FOCAD: variants seen among roughly 807,000 people sequenced by gnomAD.
FOCAD encodes the protein focadhesin.
In FOCAD, 198 loss-of-function variants were observed where a neutral mutation model predicts 225.6. The observed-to-expected ratio is 0.88, with a 90% CI of 0.78 to 0.99. The LOEUF (loss-of-function observed/expected upper bound fraction) is 0.99, where lower values mean the gene tolerates loss of function less well. FOCAD is among the 50% of genes least tolerant of loss of function. The pLI, the probability that FOCAD is intolerant of heterozygous loss-of-function variation, is 0.00. For missense variants in FOCAD, 2,713 were observed against 2,123.6 expected, an observed-to-expected ratio of 1.28 and a Z score of -5.46; for synonymous variants, 897 against 755.0, an observed-to-expected ratio of 1.19 and a Z score of -3.08.
At chr9:20,749,272 C>G (rs1828335749) in intron 5 of FOCAD, among the ~76,000 whole-genome samples, 1 of 152,018 alleles carries the variant, frequency 6.6e-6, no homozygotes, top group African/African-American at 2.4e-5. Flanking sequence ...CTGTCTCTGC[C>G]TTATAGACTC....
Position 20,759,090 on chromosome 9 carries a change from A to G in FOCAD, c.494+899A>G, listed in dbSNP as rs558299331. ...ATGAAGGACCTCTTCAAGGAGAACT[A>G]CAAACCACTGCTCAATGAAATAAAA... On this transcript the variant is annotated intron_variant, in intron 6 of 43. Coordinates refer to ENST00000338382, the MANE Select transcript of FOCAD (RefSeq NM_001375567.1). 6.3e-3 allele frequency among the ~76,000 whole-genome samples: 956 copies of G among 152,328 alleles called. 9 individuals are homozygous for G. The highest frequency in any genetic ancestry group is 0.022 in the African/African-American group (915 of 41,580).
intron 15 of FOCAD, among the ~76,000 whole-genome samples, chr9:20,823,988 G>T (rs1030251696): frequency 6.6e-6 from 1 of 151,998 alleles, no homozygotes; most frequent in Non-Finnish European, 1.5e-5. Flanking sequence ...TATTTACGCC[G>T]GATCTTGGTA....
intron 24 of FOCAD, among the ~76,000 whole-genome samples, chr9:20,917,611 C>G (rs1162950166): frequency 2.0e-5 from 3 of 152,102 alleles, no homozygotes; most frequent in African/African-American, 7.2e-5. Context: ...CCACCATCTT[C>G]TCTAACTGCT....
chr9:20,755,897 C>CA, intron 5 of FOCAD, among the ~76,000 whole-genome samples: 2 of 152,194 alleles, frequency 1.3e-5, no homozygotes, highest in East Asian at 3.9e-4. Flanking sequence ...TGGCCTCCAG[C>CA]AATTCTCCAG....
intron 15 of FOCAD, among the ~76,000 whole-genome samples, chr9:20,836,767 AT>A (rs1283395884): frequency 2.6e-5 from 4 of 151,936 alleles, no homozygotes; most frequent in South Asian, 2.1e-4. Context: ...TGACTGTGTT[AT>A]TTTTTTTAAT....
At chr9:20,983,179 C>T (rs1054146080) in intron 39 of FOCAD, among the ~76,000 whole-genome samples, 2 of 152,120 alleles carry the variant, frequency 1.3e-5, no homozygotes, top group Non-Finnish European at 2.9e-5. Context: ...CCCATCTAGG[C>T]CTACTGAATC....
intron 20 of FOCAD, among the ~76,000 whole-genome samples, chr9:20,882,803 G>A (rs1355507308): frequency 6.6e-6 from 1 of 152,168 alleles, no homozygotes; most frequent in Non-Finnish European, 1.5e-5. Context: ...ACATTTTGAA[G>A]CTTTATGGGA....
chr9:20,914,417 T>C (rs1833706621), intron 23 of FOCAD, among the ~76,000 whole-genome samples: 1 of 151,916 alleles, frequency 6.6e-6, no homozygotes, highest in Non-Finnish European at 1.5e-5. Context: ...TAAAGTACGA[T>C]AGAGGGAACA....
chr9:20,665,316 C>G (rs747273636), intron 2 of FOCAD, among the ~76,000 whole-genome samples: 10 of 152,112 alleles, frequency 6.6e-5, no homozygotes, highest in Non-Finnish European at 1.0e-4. Context: ...AAAGCCTTTT[C>G]TGGGAGGCAG....
chr9:20,864,906 G>A (rs1829093203), intron 16 of FOCAD, among the ~76,000 whole-genome samples: 1 of 151,878 alleles, frequency 6.6e-6, no homozygotes, highest in African/African-American at 2.4e-5. Flanking sequence ...TTATTGTATT[G>A]TTACAGAAAC....
intron 4 of FOCAD, among the ~76,000 whole-genome samples, chr9:20,725,167 G>T (rs980695566): frequency 9.2e-5 from 14 of 152,162 alleles, no homozygotes; most frequent in African/African-American, 3.4e-4. Flanking sequence ...GTGAGACTCC[G>T]TCTCAATCAA....
At chr9:20,731,892 C>T (rs1826745411) in intron 4 of FOCAD, among the ~76,000 whole-genome samples, 1 of 152,168 alleles carries the variant, frequency 6.6e-6, no homozygotes, top group East Asian at 1.9e-4. Flanking sequence ...CCTGGGATTA[C>T]AGGTGTGAGC....
intron 11 of FOCAD, among the ~76,000 whole-genome samples, chr9:20,801,729 A>G (rs1035526378): frequency 1.9e-4 from 29 of 152,108 alleles, no homozygotes; most frequent in Middle Eastern, 3.4e-3. Flanking sequence ...GTACTTTTCT[A>G]TTGTATTTCA....
intron 11 of FOCAD, among the ~76,000 whole-genome samples, chr9:20,800,990 A>T (rs200147368): frequency 1.3e-5 from 2 of 151,930 alleles, no homozygotes; most frequent in Non-Finnish European, 2.9e-5. Context: ...TATCTACGTT[A>T]GGTCTTTGAT....
chr9:20,720,295 T>G (rs550305360), intron 3 of FOCAD, 85 bp from the exon 4 acceptor site: 2 of 1,326,138 alleles, frequency 1.5e-6, no homozygotes, highest in African/African-American at 2.9e-5. Flanking sequence ...TGTGAACAAA[T>G]TACTCATTGA....
chr9:20,790,498 G>A (rs1820406808), intron 11 of FOCAD, among the ~76,000 whole-genome samples: 1 of 152,192 alleles, frequency 6.6e-6, no homozygotes, highest in African/African-American at 2.4e-5. Flanking sequence ...TTAACTGAGT[G>A]CAGTGACTTA....
intron 1 of FOCAD, among the ~76,000 whole-genome samples, chr9:20,685,640 T>C (rs1822618027): frequency 6.6e-6 from 1 of 152,232 alleles, no homozygotes; most frequent in South Asian, 2.1e-4. Flanking sequence ...AAATGCAATT[T>C]TCAAAGCATT....
chr9:20,752,895 C>A (rs927529477), intron 5 of FOCAD, among the ~76,000 whole-genome samples: 19 of 150,954 alleles, frequency 1.3e-4, no homozygotes, highest in African/African-American at 4.6e-4. Flanking sequence ...AGCTGGATTC[C>A]TAGGTATTTT....
intron 18 of FOCAD, among the ~76,000 whole-genome samples, chr9:20,868,679 C>T (rs961868486): frequency 6.6e-5 from 10 of 151,790 alleles, no homozygotes; most frequent in Admixed American, 3.3e-4. Flanking sequence ...AGCTATAAGG[C>T]GTATCCTTTT....
Sources: gnomAD v4.1 joint callset for allele counts (sites outside exome capture counted in the v4.1 genomes callset) on GRCh38, gnomAD v4.1.1 for gene constraint, MANE v1.5 for transcripts, NCBI Gene and HGNC (gene_info 2026-07-23, HGNC 2026-07-21) for gene names.